The following MAN2A1 variants were observed in gnomAD, a reference collection of about 807,000 sequenced individuals.
The protein encoded by MAN2A1 is alpha-mannosidase 2.
MAN2A1 carries 76 observed loss-of-function variants against 142.6 expected under a neutral mutation model. The observed-to-expected ratio is 0.53, with a 90% CI of 0.44 to 0.65. The LOEUF is 0.65. Among genes scored for constraint, MAN2A1 ranks in the 30% least tolerant of loss-of-function variants. The pLI is 0.00. For synonymous variants in MAN2A1, 559 were observed against 473.2 expected, an observed-to-expected ratio of 1.18 and a Z score of -2.35; for missense variants, 1,311 against 1,365.1, an observed-to-expected ratio of 0.96 and a Z score of 0.62.
In MAN2A1 at chr5:109,768,109, A is replaced by G. The variant is rs1753043237; in HGVS notation, c.1009+401A>G. Among the ~76,000 whole-genome samples, 3 of 152,182 alleles carry G rather than the reference A, an allele frequency of 2.0e-5. No homozygotes were observed. In the South Asian group the frequency reaches 6.2e-4, roughly 32 times the overall value. On this transcript the variant is annotated intron_variant, in intron 6 of 21. Transcript: ENST00000261483. ...TCTCTCGTCTCTACATCTTGTAAGAATTGCTTTTTAAAGCCTTAATCCTGT... is the reference window on the plus strand; with the variant it reads ...TCTCTCGTCTCTACATCTTGTAAGAGTTGCTTTTTAAAGCCTTAATCCTGT...
intron 4 of MAN2A1, among the ~76,000 whole-genome samples, chr5:109,742,248 G>C (rs1315595817): frequency 1.3e-5 from 2 of 152,178 alleles, no homozygotes; most frequent in Non-Finnish European, 2.9e-5. Flanking sequence ...TAGAACCTAA[G>C]AACAGTTTAT....
intron 1 of MAN2A1, among the ~76,000 whole-genome samples, chr5:109,705,571 A>G (rs1001560005): frequency 1.3e-5 from 2 of 152,194 alleles, no homozygotes; most frequent in African/African-American, 2.4e-5. Flanking sequence ...ACTAAGCATA[A>G]GAATATAAGC....
At chr5:109,792,003 A>C (rs1227507037) in intron 12 of MAN2A1, among the ~76,000 whole-genome samples, 1 of 152,144 alleles carries the variant, frequency 6.6e-6, no homozygotes, top group African/African-American at 2.4e-5. Context: ...TCACACAGTT[A>C]TGTGAGCTAT....
chr5:109,706,427 A>G (rs1309243566), intron 1 of MAN2A1, among the ~76,000 whole-genome samples: 3 of 152,184 alleles, frequency 2.0e-5, no homozygotes, highest in Admixed American at 6.5e-5. Flanking sequence ...TCCTGTGCTA[A>G]ATTCTTTCAC....
chr5:109,795,888 A>G (rs1753844702), intron 12 of MAN2A1, among the ~76,000 whole-genome samples: 1 of 152,074 alleles, frequency 6.6e-6, no homozygotes, highest in Non-Finnish European at 1.5e-5. Flanking sequence ...AGATCAACTG[A>G]CACTCTTCAT....
At chr5:109,800,154 G>A (rs1561518574) in intron 12 of MAN2A1, among the ~76,000 whole-genome samples, 1 of 150,384 alleles carries the variant, frequency 6.6e-6, no homozygotes, top group African/African-American at 2.4e-5. Context: ...CACACACACA[G>A]ACATGCACAT....
intron 3 of MAN2A1, among the ~76,000 whole-genome samples, chr5:109,718,945 C>T (rs1457154437): frequency 1.4e-5 from 2 of 146,522 alleles, no homozygotes; most frequent in Admixed American, 6.8e-5. Context: ...TTTTAAGTTC[C>T]CTCCTTCCTG....
At chr5:109,821,668 A>G (rs989322810) in intron 15 of MAN2A1, among the ~76,000 whole-genome samples, 15 of 152,146 alleles carry the variant, frequency 9.9e-5, no homozygotes. Flanking sequence ...GGTTACTAGT[A>G]AGGTTGAACG....
At chr5:109,839,767 A>T (rs1372152595) in intron 16 of MAN2A1, among the ~76,000 whole-genome samples, 2 of 151,818 alleles carry the variant, frequency 1.3e-5, no homozygotes, top group Non-Finnish European at 2.9e-5. Context: ...AAGTTGGAAG[A>T]GCAGTATATA....
chr5:109,845,809 T>G (rs1030530478), intron 17 of MAN2A1, 56 bp from the exon 18 acceptor site: 30 of 1,440,230 alleles, frequency 2.1e-5, no homozygotes, highest in Non-Finnish European at 2.8e-5. Context: ...CCTCAAGTTT[T>G]TAAAAGAACA....
At chr5:109,828,160 C>T (rs186713182) in intron 16 of MAN2A1, among the ~76,000 whole-genome samples, 234 of 151,410 alleles carry the variant, frequency 1.5e-3, no homozygotes, top group South Asian at 4.0e-3. Context: ...TATTGTTTTG[C>T]CCATGTCAGG....
chr5:109,773,414 C>T (rs1310975689), intron 7 of MAN2A1, among the ~76,000 whole-genome samples: 5 of 151,966 alleles, frequency 3.3e-5, no homozygotes, highest in African/African-American at 9.7e-5. Context: ...AGTTGGAGCT[C>T]AATTATATCT....
At chr5:109,827,377 A>G (rs887610760) in intron 16 of MAN2A1, among the ~76,000 whole-genome samples, 1 of 152,250 alleles carries the variant, frequency 6.6e-6, no homozygotes, top group Non-Finnish European at 1.5e-5. Context: ...AAATATTCTT[A>G]CATTTCTCAG....
chr5:109,765,894 T>C (rs1043547453), intron 5 of MAN2A1, among the ~76,000 whole-genome samples: 2 of 152,128 alleles, frequency 1.3e-5, no homozygotes, highest in Non-Finnish European at 2.9e-5. Flanking sequence ...GACGCAAGAA[T>C]ATATTCCAGG....
intron 10 of MAN2A1, among the ~76,000 whole-genome samples, chr5:109,788,284 G>A (rs1332899464): frequency 6.6e-6 from 1 of 151,190 alleles, no homozygotes; most frequent in East Asian, 1.9e-4. Flanking sequence ...AGTAGCGGAT[G>A]TATTTCAGAA....
chr5:109,841,238 C>G (rs1755195287), intron 16 of MAN2A1, among the ~76,000 whole-genome samples: 1 of 152,140 alleles, frequency 6.6e-6, no homozygotes, highest in African/African-American at 2.4e-5. Context: ...TTTTGGTGCA[C>G]CCATCACCTG....
At chr5:109,731,427 T>C (rs954176975) in intron 4 of MAN2A1, among the ~76,000 whole-genome samples, 4 of 151,658 alleles carry the variant, frequency 2.6e-5, no homozygotes, top group East Asian at 1.9e-4. Flanking sequence ...TAGTTACATA[T>C]GTATACATGT....
intron 1 of MAN2A1, chr5:109,699,840 G>C (rs1582799229): frequency 6.5e-6 from 1 of 153,328 alleles, no homozygotes; most frequent in Non-Finnish European, 1.5e-5. Flanking sequence ...CATCCTATTT[G>C]TCAGTTAAAG....
At chr5:109,777,956 G>C (rs1352239945) in intron 8 of MAN2A1, among the ~76,000 whole-genome samples, 1 of 151,940 alleles carries the variant, frequency 6.6e-6, no homozygotes, top group Non-Finnish European at 1.5e-5. Flanking sequence ...TAACACTACA[G>C]TTTTATAATA....
Sources: gnomAD v4.1 joint callset for allele counts (sites outside exome capture counted in the v4.1 genomes callset) on GRCh38, gnomAD v4.1.1 for gene constraint, MANE v1.5 for transcripts, NCBI Gene and HGNC (gene_info 2026-07-23, HGNC 2026-07-21) for gene names.